The following AP5S1 variants were observed in gnomAD, a reference collection of about 807,000 sequenced individuals.
AP5S1 encodes the protein AP-5 complex subunit sigma-1.
A neutral mutation model predicts 13.9 loss-of-function variants in AP5S1; 13 were observed. The ratio of observed to expected loss-of-function variants is 0.94; its 90% CI spans 0.61 to 1.49. The LOEUF (loss-of-function observed/expected upper bound fraction) is 1.49, where lower values mean the gene tolerates loss of function less well. Among genes scored for constraint, AP5S1 ranks in the 40% most tolerant of loss-of-function variants. The pLI, the probability that AP5S1 is intolerant of heterozygous loss-of-function variation, is 0.00. For missense variants in AP5S1, 292 were observed against 272.3 expected, an observed-to-expected ratio of 1.07 and a Z score of -0.51; for synonymous variants, 132 against 121.8, an observed-to-expected ratio of 1.08 and a Z score of -0.55.
At position 3,826,150 on chromosome 20, in the gene AP5S1, C is replaced by T. The variant is rs981346205; in HGVS notation, c.*1853C>T. The T allele has an allele frequency of 6.6e-6, 1 of 152,274 alleles. No homozygotes were observed. The highest frequency in any genetic ancestry group is 2.4e-5 in the African/African-American group (1 of 41,454). 9.4% of individuals were successfully genotyped at this position (152,274 alleles called of 1,614,324 possible). On this transcript the variant is annotated 3_prime_UTR_variant, in exon 3 of 3. Coordinates refer to ENST00000615891, the MANE Select transcript of AP5S1 (RefSeq NM_018347.3). ...AACTACACCCACTTTGGAGGCAGCA[C>T]TGATGATTAGCCCTTCCAAGTCCAT...
intron 1 of AP5S1, among the ~76,000 whole-genome samples, chr20:3,821,316 T>C (rs1443350013): frequency 6.6e-6 from 1 of 152,226 alleles, no homozygotes; most frequent in African/African-American, 2.4e-5. Context: ...ATTGAAATGT[T>C]TTTAAAGTTT....
rs1323159395 is a variant in AP5S1, at chr20:3,828,187, G to A, written c.*3890G>A. On this transcript the variant is annotated 3_prime_UTR_variant, in exon 3 of 3. Coordinates refer to ENST00000615891, the MANE Select transcript of AP5S1 (RefSeq NM_018347.3). ...TATGTTTATTACTGCAATTCAAGTG[G>A]CCGTGACCGTTTTCTTAAATATACT... The A allele has an allele frequency of 6.6e-6, 1 of 152,184 alleles. No homozygotes were observed. The highest frequency in any genetic ancestry group is 2.4e-5 in the African/African-American group (1 of 41,460). 9.4% of individuals were successfully genotyped at this position (152,184 alleles called of 1,614,324 possible). A position where few individuals can be genotyped will look rare whatever the true frequency, so the allele number is the denominator to read the frequency against.
chr20:3,826,923 G>A lies in AP5S1; in HGVS notation c.*2626G>A, dbSNP rs151183616. On this transcript the variant is annotated 3_prime_UTR_variant, in exon 3 of 3. Transcript: ENST00000615891. ...TGACTGCAAAGCAGCAATGGTTTGA[G>A]CATCCCTGAATTGCTGCTCACAAGT... 8.1e-3 allele frequency: 1,236 copies of A among 152,394 alleles called. 9 individuals are homozygous for A. Among genetic ancestry groups the A allele is most frequent in the Non-Finnish European group, 0.01 (698 of 68,090 alleles). The allele number at this position is 152,394 out of a possible 1,614,324, so 9.4% of individuals were successfully genotyped here.
rs759932704 is a variant in AP5S1, at chr20:3,824,183, T to C, written c.489T>C (p.Ala163=). The stretch of plus-strand genomic sequence containing the variant: ...CCAGCACCAGCCTTCTGCTGCGGGC[T>C]GACCGCATTGAGGGCATCCTCACCC... The part of the protein sequence containing the change: ...LAPSTSLLLR[A]DRIEGILTRF... Residue 163 remains alanine, a synonymous_variant, in exon 3 of 3, where the codon GCT becomes GCC. Transcript: ENST00000615891. 1.2e-6 allele frequency: 2 copies of C among 1,614,162 alleles called. No individual in the cohort carries two copies. The highest frequency in any genetic ancestry group is 2.2e-5 in the East Asian group (1 of 44,888).
In AP5S1 at chr20:3,822,226, G is replaced by A. The variant is rs773709931; in HGVS notation, c.109G>A (p.Asp37Asn). The change falls in exon 2 of 3, where the codon GAC (aspartate) becomes AAC (asparagine). Residue 37 changes from aspartate to asparagine, a missense_variant. Transcript: ENST00000615891. ...CTTCGGTGCTGAGAAGTCACCTGAT[G>A]ACCCACGGCCGCATGGTGCCGAGAG... ...CVFGAEKSPD[D>N]PRPHGAERDR... 6.8e-6 allele frequency: 11 copies of A among 1,614,156 alleles called. No individual in the cohort carries two copies. The South Asian group carries it at 9.9e-5, about 15-fold the overall frequency.
chr20:3,822,153 C>A lies in AP5S1; in HGVS notation c.36C>A (p.Ala12=), dbSNP rs1273925414. Residue 12 remains alanine (A), a synonymous_variant, in exon 2 of 3, where the codon GCC becomes GCA. Coordinates refer to ENST00000615891, the MANE Select transcript of AP5S1 (RefSeq NM_018347.3). The part of the protein sequence containing the change: ...VHAFLIHTLR[A]PNTEDTGLCR... ...CCTTCCTCATTCACACCTTGAGGGC[C>A]CCGAATACTGAGGACACGGGCCTTT... The A allele has an allele frequency of 6.2e-7, 1 of 1,614,084 alleles. No individual in the cohort carries two copies.
chr20:3,824,329 G>A lies in AP5S1; in HGVS notation c.*32G>A. 2 of 1,584,148 alleles carry A rather than the reference G, an allele frequency of 1.3e-6. No homozygotes were observed. Among genetic ancestry groups the A allele is most frequent in the Middle Eastern group, 1.7e-4 (1 of 5,936 alleles). On this transcript the variant is annotated 3_prime_UTR_variant, in exon 3 of 3. Coordinates refer to ENST00000615891, the MANE Select transcript of AP5S1 (RefSeq NM_018347.3). ...GTTGGGATGGTGCTTCTGAGGGCAG[G>A]CAGAGGGTAGACACACAGCCAGATG...
chr20:3,821,871 C>CTTTT, intron 1 of AP5S1: 1 of 917,632 alleles, frequency 1.1e-6, no homozygotes, highest in Non-Finnish European at 1.3e-6. Context: ...GTTTGTTTTT[C>CTTTT]TTTTTTCTTT....
chr20:3,822,799 T>C (rs6052095), intron 2 of AP5S1, among the ~76,000 whole-genome samples: 58,248 of 152,044 alleles, frequency 0.38, 15,155 homozygotes, highest in African/African-American at 0.75. Context: ...CTTTATGAAT[T>C]TCTAACGAAG....
chr20:3,822,846 G>C (rs1600425166), intron 2 of AP5S1, among the ~76,000 whole-genome samples: 1 of 152,194 alleles, frequency 6.6e-6, no homozygotes, highest in Non-Finnish European at 1.5e-5. Flanking sequence ...CAGAAAGCCA[G>C]GGATCCAGAT....
In AP5S1 at chr20:3,822,262, C is replaced by T. The variant is rs772497704; in HGVS notation, c.145C>T (p.Leu49Phe). 6.2e-7 allele frequency: 1 copy of T among 1,614,156 alleles called. No individual in the cohort carries two copies. The highest frequency in any genetic ancestry group is 8.5e-7 in the Non-Finnish European group (1 of 1,180,040). Residue 49 changes from leucine to phenylalanine, a missense_variant, in exon 2 of 3, where the codon CTC becomes TTC. By Grantham distance (22) the Leu-to-Phe change is conservative (BLOSUM62 0). Coordinates refer to ENST00000615891, the MANE Select transcript of AP5S1 (RefSeq NM_018347.3). ...RPHGAERDRLLRKEQILAVAR... is the reference protein window; with the variant it reads ...RPHGAERDRLFRKEQILAVAR... ...GCATGGTGCCGAGAGGGACAGGCTTCTCCGGAAGGAACAGATTTTAGCTGT... is the reference window on the plus strand; with the variant it reads ...GCATGGTGCCGAGAGGGACAGGCTTTTCCGGAAGGAACAGATTTTAGCTGT...
intron 2 of AP5S1, among the ~76,000 whole-genome samples, chr20:3,822,581 C>T (rs1316926815): frequency 1.3e-5 from 2 of 152,158 alleles, no homozygotes; most frequent in African/African-American, 2.4e-5. Context: ...ATTTAATCCT[C>T]ATAATAGTCT....
Position 3,824,194 on chromosome 20 carries a change from AG to A in AP5S1, c.503del (p.Gly168AlafsTer42). 2 of 1,614,150 alleles carry A rather than the reference AG, an allele frequency of 1.2e-6. No individual in the cohort carries two copies. Among genetic ancestry groups the A allele is most frequent in the Non-Finnish European group, 1.7e-6 (2 of 1,180,040 alleles). ...TSLLLRADRIEGILTRFLPHG... is the reference protein window; with the variant it reads ...TSLLLRADRIXGILTRFLPHG... ...CTTCTGCTGCGGGCTGACCGCATTG[AG>A]GGCATCCTCACCCGCTTCCTGCCAC... On this transcript the variant is annotated frameshift_variant, in exon 3 of 3. Coordinates refer to ENST00000615891, the MANE Select transcript of AP5S1 (RefSeq NM_018347.3). LOFTEE classifies it high-confidence loss of function.
At chr20:3,822,053 C>G (rs1042436947) in intron 1 of AP5S1, 49 bp from the exon 2 acceptor site, 4 of 1,575,682 alleles carry the variant, frequency 2.5e-6, no homozygotes, top group African/African-American at 2.7e-5. Flanking sequence ...GGTCGCCTCT[C>G]CTGCTGGGGT....
At chr20:3,822,670 T>TC (rs1330073857) in intron 2 of AP5S1, among the ~76,000 whole-genome samples, 2 of 152,176 alleles carry the variant, frequency 1.3e-5, no homozygotes, top group Admixed American at 6.6e-5. Context: ...ATTTAACCTG[T>TC]CCAAGGTTAC....
In AP5S1 at chr20:3,828,527, T is replaced by G. The variant is rs1349911542; in HGVS notation, c.*4230T>G. ...AACAGTCCTCTGCTGCACCTGTTCATTCTTCCCTCCCCTCAACCCCTAGCA... is the reference window on the plus strand; with the variant it reads ...AACAGTCCTCTGCTGCACCTGTTCAGTCTTCCCTCCCCTCAACCCCTAGCA... On this transcript the variant is annotated 3_prime_UTR_variant, in exon 3 of 3. Transcript: ENST00000615891. The G allele has an allele frequency of 6.6e-6, 1 of 152,260 alleles. No individual in the cohort carries two copies. Among genetic ancestry groups the G allele is most frequent in the East Asian group, 1.9e-4 (1 of 5,204 alleles). 9.4% of individuals were successfully genotyped at this position (152,260 alleles called of 1,614,324 possible).
chr20:3,823,619 C>G (rs753339840), intron 2 of AP5S1: 67 of 985,302 alleles, frequency 6.8e-5, no homozygotes, highest in Non-Finnish European at 7.6e-5. Flanking sequence ...TCTTCTTCCT[C>G]TGGTGCCCTT....
chr20:3,823,090 C>T (rs1018719634), intron 2 of AP5S1, among the ~76,000 whole-genome samples: 1 of 152,166 alleles, frequency 6.6e-6, no homozygotes, highest in Non-Finnish European at 1.5e-5. Context: ...CCAGCCTGTG[C>T]GTGGCTCAGA....
intron 2 of AP5S1, 118 bp downstream of exon 2, chr20:3,822,411 G>C (rs1038825654): frequency 9.4e-6 from 9 of 954,056 alleles, no homozygotes; most frequent in Admixed American, 2.4e-5. Flanking sequence ...GGAAGTTTTA[G>C]AGTAGCATTT....
Sources: gnomAD v4.1 joint callset for allele counts (sites outside exome capture counted in the v4.1 genomes callset) on GRCh38, gnomAD v4.1.1 for gene constraint, MANE v1.5 for transcripts, NCBI Gene and HGNC (gene_info 2026-07-23, HGNC 2026-07-21) for gene names.